TUT7: variants seen among roughly 807,000 people sequenced by gnomAD.
The protein encoded by TUT7 is terminal uridylyltransferase 7.
In TUT7, 33 loss-of-function variants were observed where a neutral mutation model predicts 165.9. The observed-to-expected ratio is 0.20, with a 90% CI of 0.15 to 0.27. TUT7 has a LOEUF of 0.27. Among genes scored for constraint, TUT7 ranks in the 10% least tolerant of loss-of-function variants. The pLI is 1.00. For synonymous variants in TUT7, 552 were observed against 608.1 expected, an observed-to-expected ratio of 0.91 and a Z score of 1.36; for missense variants, 1,338 against 1,762.3, an observed-to-expected ratio of 0.76 and a Z score of 4.31.
chr9:86,320,291 G>A (rs1359418413), intron 14 of TUT7, among the ~76,000 whole-genome samples: 4 of 143,994 alleles, frequency 2.8e-5, no homozygotes, highest in African/African-American at 5.1e-5. Flanking sequence ...TTAAGAACAC[G>A]TGTCTTCTGA....
intron 1 of TUT7, among the ~76,000 whole-genome samples, chr9:86,353,619 A>C (rs1028873425): frequency 2.0e-5 from 3 of 152,158 alleles, no homozygotes; most frequent in Admixed American, 1.3e-4. Context: ...TAAACTACCG[A>C]AACAGTCTTT....
At position 86,304,927 on chromosome 9, in the gene TUT7, C is replaced by G; in HGVS notation, c.3907G>C (p.Ala1303Pro). 1 of 1,609,228 alleles carries G rather than the reference C, an allele frequency of 6.2e-7. No homozygotes were observed. Among genetic ancestry groups the G allele is most frequent in the Non-Finnish European group, 8.5e-7 (1 of 1,177,678 alleles). The change falls in exon 24 of 27, where the codon GCT (alanine) becomes CCT (proline). Residue 1303 changes from alanine (A) to proline (P), a missense_variant. Physicochemically the swap from Ala to Pro is conservative, Grantham distance 27. Transcript: ENST00000375963. ...SRKMTNFIMK[A>P]FINGRRVFGI... The stretch of plus-strand genomic sequence containing the variant: ...AATACTCTTCTACCATTGATAAAAG[C>G]CTTCATTATAAAATTTGTCACTAAA...
intron 10 of TUT7, among the ~76,000 whole-genome samples, chr9:86,329,021 A>C (rs1481296590): frequency 6.6e-6 from 1 of 152,252 alleles, no homozygotes; most frequent in Non-Finnish European, 1.5e-5. Context: ...GAAAATGAAA[A>C]TTACAAGAAC....
chr9:86,308,755 T>C (rs1827756138), intron 21 of TUT7, 149 bp from the exon 22 acceptor site: 2 of 664,458 alleles, frequency 3.0e-6, no homozygotes, highest in Admixed American at 3.4e-5. Flanking sequence ...AAAAACATAA[T>C]TTACATAAGT....
chr9:86,291,827 C>T (rs1232504538), intron 26 of TUT7, among the ~76,000 whole-genome samples: 1 of 152,124 alleles, frequency 6.6e-6, no homozygotes, highest in African/African-American at 2.4e-5. Flanking sequence ...TATGACCTAA[C>T]GATTTGACTT....
At chr9:86,319,179 C>G (rs1388098833) in intron 15 of TUT7, 121 bp from the exon 16 acceptor site, 2 of 627,464 alleles carry the variant, frequency 3.2e-6, no homozygotes, top group Non-Finnish European at 5.4e-6. Flanking sequence ...TAATCTCATA[C>G]TTATGTTCTC....
At chr9:86,330,582 C>A (rs893573612) in intron 10 of TUT7, among the ~76,000 whole-genome samples, 5 of 152,174 alleles carry the variant, frequency 3.3e-5, no homozygotes, top group African/African-American at 1.2e-4. Flanking sequence ...TGAAGAGCTG[C>A]AGTTTTAGAA....
intron 17 of TUT7, among the ~76,000 whole-genome samples, chr9:86,312,389 G>A (rs186471856): frequency 1.7e-4 from 25 of 150,500 alleles, no homozygotes; most frequent in Non-Finnish European, 3.0e-4. Context: ...CCCAGCAGCC[G>A]CCCCGTCTGA....
chr9:86,332,799 A>C (rs1043092252), intron 10 of TUT7, among the ~76,000 whole-genome samples: 1 of 152,204 alleles, frequency 6.6e-6, no homozygotes, highest in Non-Finnish European at 1.5e-5. Flanking sequence ...TTTTAGGTCT[A>C]ACATTTGAGT....
At chr9:86,310,641 T>G in intron 18 of TUT7, 65 bp downstream of exon 18, 1 of 847,998 alleles carries the variant, frequency 1.2e-6, no homozygotes, top group African/African-American at 1.7e-5. Flanking sequence ...TAACTTGAGG[T>G]TTTTGCAAGG....
Position 86,352,818 on chromosome 9 carries a change from G to T in TUT7, c.382C>A (p.Gln128Lys). Residue 128 changes from glutamine (Q) to lysine (K), a missense_variant, in exon 2 of 27, where the codon CAA becomes AAA. Transcript: ENST00000375963. ...TTTTCTTGAAAGGAGTCTTTTCTTT[G>T]TCGGTTTATAACAGGAATTCTAGGT... ...PGPRIPVINR[Q>K]RKDSFQENED... is the part of the protein sequence containing the mutation. 3.1e-6 allele frequency: 5 copies of T among 1,614,084 alleles called. No individual in the cohort carries two copies. Among genetic ancestry groups the T allele is most frequent in the Non-Finnish European group, 4.2e-6 (5 of 1,180,014 alleles).
At chr9:86,294,007 A>G (rs1826092882) in intron 26 of TUT7, among the ~76,000 whole-genome samples, 1 of 152,170 alleles carries the variant, frequency 6.6e-6, no homozygotes. Context: ...CGGTGTCTCA[A>G]AGTACTAGGA....
At chr9:86,336,692 T>C (rs552833695) in intron 10 of TUT7, among the ~76,000 whole-genome samples, 46 of 152,308 alleles carry the variant, frequency 3.0e-4, no homozygotes, top group African/African-American at 1.1e-3. Context: ...GGTCTTTCTA[T>C]AAAATGGGAG....
chr9:86,288,829 G>A (rs1413045555), intron 26 of TUT7, 85 bp from the exon 27 acceptor site: 11 of 1,074,918 alleles, frequency 1.0e-5, no homozygotes, highest in Non-Finnish European at 1.2e-5. Context: ...TTCTTATTAA[G>A]TAGTCACAAA....
chr9:86,337,546 C>T lies in TUT7; in HGVS notation c.1336-8G>A, dbSNP rs538525628. 3 of 1,588,636 alleles carry T rather than the reference C, an allele frequency of 1.9e-6. No individual in the cohort carries two copies. The highest frequency in any genetic ancestry group is 2.7e-5 in the African/African-American group (2 of 73,294). On this transcript the variant is annotated splice_region_variant and splice_polypyrimidine_tract_variant and intron_variant, in intron 9 of 26. Transcript: ENST00000375963. ...GCGATCTATACTGCAAAGCTACAAA[C>T]AAGAGAAAAGAAAGTTAAGCATTCT... is the stretch of plus-strand genomic sequence containing the variant.
At chr9:86,316,706 A>C (rs1828754556) in intron 17 of TUT7, among the ~76,000 whole-genome samples, 1 of 152,206 alleles carries the variant, frequency 6.6e-6, no homozygotes, top group Non-Finnish European at 1.5e-5. Context: ...TCAGTCTTTC[A>C]TACTTACGCA....
intron 10 of TUT7, among the ~76,000 whole-genome samples, chr9:86,330,542 T>C (rs936667609): frequency 6.6e-6 from 1 of 152,242 alleles, no homozygotes; most frequent in Non-Finnish European, 1.5e-5. Context: ...ACTGGGTAGC[T>C]TGAGTTTTTG....
At chr9:86,309,758 CA>C (rs1827852834) in intron 19 of TUT7, among the ~76,000 whole-genome samples, 169 bp downstream of exon 19, 1 of 152,210 alleles carries the variant, frequency 6.6e-6, no homozygotes, top group South Asian at 2.1e-4. Flanking sequence ...AAGATCAGGT[CA>C]TTGTATAAAA....
chr9:86,345,045 T>A lies in TUT7; in HGVS notation c.929A>T (p.Asn310Ile). Residue 310 changes from asparagine (N) to isoleucine (I), a missense_variant, in exon 5 of 27, where the codon AAT becomes ATT. Physicochemically the swap from Asn to Ile is moderately radical, Grantham distance 149. This residue lies in a region of TUT7 where 434 missense variants were observed against 480.8 expected (regional missense o/e 0.90). Coordinates refer to ENST00000375963, the MANE Select transcript of TUT7 (RefSeq NM_024617.4). ...TTCCAGCCTCTGTTCCAAGTTCTCA[T>A]TGTGTAAGCCAAATTCCTGTACCAC... The part of the protein sequence containing the change: ...DKVVQEFGLH[N>I]ENLEQRLEIK... 1 of 1,613,902 alleles carries A rather than the reference T, an allele frequency of 6.2e-7. No individual in the cohort carries two copies. The highest frequency in any genetic ancestry group is 2.2e-5 in the East Asian group (1 of 44,842).
Sources: allele counts gnomAD v4.1 joint callset (sites outside exome capture counted in the v4.1 genomes callset), GRCh38; gene constraint gnomAD v4.1.1; regional missense constraint gnomAD v4.1.1; transcripts MANE v1.5; gene names NCBI Gene and HGNC (gene_info 2026-07-23, HGNC 2026-07-21).